Variants in FHIT observed in about 807,000 individuals in gnomAD.
The protein encoded by FHIT is bis(5'-adenosyl)-triphosphatase.
Under a neutral mutation model 17.9 loss-of-function variants are expected in FHIT, and 19 were observed. That is an observed-to-expected ratio of 1.06 (90% confidence interval 0.74 to 1.56). The LOEUF (loss-of-function observed/expected upper bound fraction) is 1.56. FHIT is among the 40% of genes most tolerant of loss of function. The pLI is 0.00. For synonymous variants in FHIT, 81 were observed against 69.7 expected, an observed-to-expected ratio of 1.16 and a Z score of -0.81; for missense variants, 248 against 189.2, an observed-to-expected ratio of 1.31 and a Z score of -1.82.
chr3:59,940,527 C>T (rs905115228), intron 7 of FHIT, among the ~76,000 whole-genome samples: 4 of 152,006 alleles, frequency 2.6e-5, no homozygotes, highest in Non-Finnish European at 5.9e-5. Context: ...AAAAACTTTG[C>T]TTGGGGAGGG....
At chr3:60,469,069 C>G (rs924930603) in intron 5 of FHIT, among the ~76,000 whole-genome samples, 2 of 151,902 alleles carry the variant, frequency 1.3e-5, no homozygotes, top group Admixed American at 1.3e-4. Flanking sequence ...TATTTCTTTT[C>G]TCTTGCTGCT....
In FHIT at chr3:59,748,152, T is replaced by C. The variant is rs1239386771; in HGVS notation, c.*1433A>G. Among the ~76,000 whole-genome samples the C allele has an allele frequency of 6.6e-6, 1 of 152,152 alleles. No individual in the cohort carries two copies. Among genetic ancestry groups the C allele is most frequent in the African/African-American group, 2.4e-5 (1 of 41,434 alleles). ...CAGCATTGTTTTTCTCTTATGTTTA[T>C]TTTTATGCTTAACTTCTAATTACAG... is the stretch of plus-strand genomic sequence containing the variant. On this transcript the variant is annotated 3_prime_UTR_variant, in exon 10 of 10. Transcript: ENST00000492590.
At chr3:60,632,931 G>C (rs2039484492) in intron 4 of FHIT, among the ~76,000 whole-genome samples, 1 of 152,146 alleles carries the variant, frequency 6.6e-6, no homozygotes, top group Non-Finnish European at 1.5e-5. Context: ...CAATAATGCA[G>C]AATCTTGAAA....
intron 5 of FHIT, among the ~76,000 whole-genome samples, chr3:60,522,300 A>G (rs187849156): frequency 1.1e-4 from 16 of 152,108 alleles, no homozygotes; most frequent in Admixed American, 2.6e-4. Context: ...TAGTAGATAC[A>G]GGGTTTCACC....
At chr3:60,675,700 C>T (rs2040608101) in intron 4 of FHIT, among the ~76,000 whole-genome samples, 2 of 152,162 alleles carry the variant, frequency 1.3e-5, no homozygotes, top group Admixed American at 1.3e-4. Flanking sequence ...CTGACCTCAG[C>T]CTACCAACAG....
chr3:59,788,881 G>GTTTTT (rs60361063), intron 8 of FHIT, among the ~76,000 whole-genome samples: 1,291 of 86,866 alleles, frequency 0.015, 139 homozygotes, highest in African/African-American at 0.043. Flanking sequence ...GAGTTCATAT[G>GTTTTT]TTTTTTTTTT....
intron 5 of FHIT, among the ~76,000 whole-genome samples, chr3:60,385,856 A>G (rs4605500): frequency 0.3 from 46,321 of 152,042 alleles, 7,266 homozygotes; most frequent in East Asian, 0.47. Flanking sequence ...GGAATGACAT[A>G]TGTGAGCCAC....
chr3:59,843,493 A>G (rs1281187875), intron 8 of FHIT, among the ~76,000 whole-genome samples: 1 of 152,190 alleles, frequency 6.6e-6, no homozygotes, highest in Non-Finnish European at 1.5e-5. Flanking sequence ...TGTTAAGTCT[A>G]TAGATCGCTT....
chr3:60,023,339 C>T (rs765025004), intron 5 of FHIT, among the ~76,000 whole-genome samples: 2 of 152,196 alleles, frequency 1.3e-5, no homozygotes, highest in Non-Finnish European at 2.9e-5. Context: ...AGCACCCTCA[C>T]CATATACACA....
chr3:60,123,424 C>T (rs910925700), intron 5 of FHIT, among the ~76,000 whole-genome samples: 38 of 152,112 alleles, frequency 2.5e-4, no homozygotes, highest in African/African-American at 8.7e-4. Flanking sequence ...ATAACAGTCT[C>T]TGAATTATCT....
At chr3:60,630,279 G>A (rs1207511536) in intron 4 of FHIT, among the ~76,000 whole-genome samples, 1 of 152,196 alleles carries the variant, frequency 6.6e-6, no homozygotes, top group Non-Finnish European at 1.5e-5. Context: ...CAACCAGTGT[G>A]AGGAAGTCGA....
At chr3:60,692,868 A>T (rs57004000) in intron 4 of FHIT, among the ~76,000 whole-genome samples, 14,512 of 152,262 alleles carry the variant, frequency 0.095, 1,379 homozygotes, top group African/African-American at 0.25. Flanking sequence ...AAGTACTTAC[A>T]TGCATAGTAA....
intron 5 of FHIT, among the ~76,000 whole-genome samples, chr3:60,235,905 A>T (rs1576349371): frequency 6.6e-6 from 1 of 152,284 alleles, no homozygotes; most frequent in East Asian, 1.9e-4. Flanking sequence ...TAGAGCGTTC[A>T]ATTGGCTCCA....
intron 5 of FHIT, among the ~76,000 whole-genome samples, chr3:60,041,583 C>A (rs1343295757): frequency 6.6e-6 from 1 of 152,068 alleles, no homozygotes; most frequent in African/African-American, 2.4e-5. Flanking sequence ...TTATTAATGG[C>A]GGCATCTCAA....
In FHIT at chr3:60,739,029, C is replaced by T. The variant is rs187595365; in HGVS notation, c.-18+82890G>A. On this transcript the variant is annotated intron_variant, in intron 4 of 9. Transcript: ENST00000492590. ...GAGAGGAGAAGGAATGTCTGAACGCCGAGAGGAACTCAGCTGGGGGCAGTC... is the reference window on the plus strand; with the variant it reads ...GAGAGGAGAAGGAATGTCTGAACGCTGAGAGGAACTCAGCTGGGGGCAGTC... Among the ~76,000 whole-genome samples the T allele has an allele frequency of 4.6e-5, 7 of 152,248 alleles. No individual in the cohort carries two copies. In the East Asian group the frequency reaches 7.7e-4, roughly 17 times the overall value.
intron 4 of FHIT, among the ~76,000 whole-genome samples, chr3:60,557,501 T>C (rs1329745221): frequency 6.6e-6 from 1 of 151,776 alleles, no homozygotes; most frequent in Non-Finnish European, 1.5e-5. Context: ...TCCATAGGTA[T>C]AAAGAGATTA....
At chr3:60,578,150 A>G (rs1302468858) in intron 4 of FHIT, among the ~76,000 whole-genome samples, 2 of 152,118 alleles carry the variant, frequency 1.3e-5, no homozygotes, top group Non-Finnish European at 2.9e-5. Flanking sequence ...AAAAGTGCAC[A>G]CTTTAGTGCC....
At chr3:61,205,397 A>C (rs985989079) in intron 1 of FHIT, among the ~76,000 whole-genome samples, 3 of 152,182 alleles carry the variant, frequency 2.0e-5, no homozygotes, top group Non-Finnish European at 4.4e-5. Context: ...GAATCGCCAC[A>C]CTGACTTCCA....
chr3:60,130,521 T>G (rs1168906661), intron 5 of FHIT, among the ~76,000 whole-genome samples: 1 of 152,132 alleles, frequency 6.6e-6, no homozygotes, highest in East Asian at 1.9e-4. Context: ...GGCATGACTC[T>G]CAGGTTACAG....
Sources: allele counts gnomAD v4.1 joint callset (sites outside exome capture counted in the v4.1 genomes callset), GRCh38; gene constraint gnomAD v4.1.1; transcripts MANE v1.5; gene names NCBI Gene and HGNC (gene_info 2026-07-23, HGNC 2026-07-21).